KCNB2: variants seen among roughly 807,000 people sequenced by gnomAD.
KCNB2 encodes delayed rectifier potassium channel protein.
In KCNB2, 15 loss-of-function variants were observed where a neutral mutation model predicts 61.5. That is an observed-to-expected ratio of 0.24 (90% confidence interval 0.16 to 0.38). KCNB2 has a LOEUF of 0.38. KCNB2 is among the 10% of genes least tolerant of loss of function. The pLI is 1.00. For missense variants in KCNB2, 828 were observed against 1,125.2 expected, an observed-to-expected ratio of 0.74 and a Z score of 3.78; for synonymous variants, 457 against 446.0, an observed-to-expected ratio of 1.02 and a Z score of -0.31.
chr8:72,607,568 T>A (rs1377165971), intron 2 of KCNB2, among the ~76,000 whole-genome samples: 2 of 152,146 alleles, frequency 1.3e-5, no homozygotes, highest in African/African-American at 4.8e-5. Context: ...GGATAAAACA[T>A]GTAAGTGTCT....
rs549662315 is a variant in KCNB2, at chr8:72,641,805, T to A, written c.579+73492T>A. Among the ~76,000 whole-genome samples, 20 of 152,218 alleles carry A rather than the reference T, an allele frequency of 1.3e-4. No individual in the cohort carries two copies. In the Middle Eastern group the frequency reaches 0.01, roughly 78 times the overall value. ...CTACCTCATAGGCTAGTCGTGAGGA[T>A]CAATAACATACTGTATATAAAAGAA... On this transcript the variant is annotated intron_variant, in intron 2 of 2. Coordinates refer to ENST00000523207, the MANE Select transcript of KCNB2 (RefSeq NM_004770.3).
At chr8:72,626,699 T>G (rs951199869) in intron 2 of KCNB2, among the ~76,000 whole-genome samples, 6 of 152,076 alleles carry the variant, frequency 3.9e-5, no homozygotes, top group African/African-American at 1.4e-4. Context: ...AATGAGAAAA[T>G]GTTGGGGTTA....
intron 2 of KCNB2, among the ~76,000 whole-genome samples, chr8:72,812,108 A>G (rs1233936473): frequency 6.6e-6 from 1 of 152,082 alleles, no homozygotes; most frequent in African/African-American, 2.4e-5. Flanking sequence ...CTAAAAATAC[A>G]AAAATTAGCT....
chr8:72,632,357 G>A (rs1805895463), intron 2 of KCNB2, among the ~76,000 whole-genome samples: 1 of 152,102 alleles, frequency 6.6e-6, no homozygotes, highest in African/African-American at 2.4e-5. Flanking sequence ...ATTTGTATTG[G>A]CACACAGCCA....
intron 2 of KCNB2, among the ~76,000 whole-genome samples, chr8:72,789,310 C>T (rs559003456): frequency 2.5e-3 from 384 of 152,246 alleles, no homozygotes; most frequent in Non-Finnish European, 4.0e-3. Flanking sequence ...TCTTGTTCAA[C>T]GGCTCATAAT....
intron 2 of KCNB2, among the ~76,000 whole-genome samples, chr8:72,618,398 G>A (rs986822458): frequency 1.7e-4 from 26 of 152,082 alleles, no homozygotes; most frequent in African/African-American, 5.8e-4. Flanking sequence ...GTGTTGTCAT[G>A]TATCCAACTA....
chr8:72,873,538 C>T (rs1805650650), intron 2 of KCNB2, among the ~76,000 whole-genome samples: 1 of 152,238 alleles, frequency 6.6e-6, no homozygotes, highest in African/African-American at 2.4e-5. Flanking sequence ...GTGCCTGGTG[C>T]AAAGTAGCTT....
At chr8:72,918,039 T>C (rs1435603692) in intron 2 of KCNB2, among the ~76,000 whole-genome samples, 2 of 152,196 alleles carry the variant, frequency 1.3e-5, no homozygotes, top group Non-Finnish European at 2.9e-5. Flanking sequence ...GGAATGCCAA[T>C]ATGCAAACAG....
At chr8:72,606,582 AGGT>A (rs1805455737) in intron 2 of KCNB2, among the ~76,000 whole-genome samples, 2 of 152,176 alleles carry the variant, frequency 1.3e-5, no homozygotes, top group South Asian at 4.1e-4. Context: ...CATTAGAGAG[AGGT>A]CCTCAGCTCC....
intron 2 of KCNB2, 40 bp downstream of exon 2, chr8:72,568,353 A>G (rs753337716): frequency 6.6e-7 from 1 of 1,507,598 alleles, no homozygotes; most frequent in Non-Finnish European, 9.0e-7. Context: ...GTGTGGTCAG[A>G]AAAGATGCTA....
intron 2 of KCNB2, among the ~76,000 whole-genome samples, chr8:72,901,616 T>A (rs1448771366): frequency 3.3e-5 from 5 of 152,144 alleles, no homozygotes; most frequent in African/African-American, 9.7e-5. Flanking sequence ...TAGTTTATGG[T>A]CCTGAAAAAC....
chr8:72,799,527 T>G (rs957158446), intron 2 of KCNB2, among the ~76,000 whole-genome samples: 2 of 152,136 alleles, frequency 1.3e-5, no homozygotes, highest in African/African-American at 2.4e-5. Context: ...GAAACAAATT[T>G]CCTTAGCACT....
intron 2 of KCNB2, among the ~76,000 whole-genome samples, chr8:72,855,836 T>C (rs1810198119): frequency 6.6e-6 from 1 of 152,198 alleles, no homozygotes; most frequent in South Asian, 2.1e-4. Flanking sequence ...CTCCCACGGA[T>C]ACCACAATTG....
intron 2 of KCNB2, among the ~76,000 whole-genome samples, chr8:72,749,797 T>C (rs540564552): frequency 6.8e-6 from 1 of 146,748 alleles, no homozygotes; most frequent in Admixed American, 6.9e-5. Context: ...ATATAATATA[T>C]ATAATATATA....
At chr8:72,901,265 T>A (rs991680200) in intron 2 of KCNB2, among the ~76,000 whole-genome samples, 6 of 152,086 alleles carry the variant, frequency 3.9e-5, no homozygotes, top group Non-Finnish European at 8.8e-5. Context: ...GGTGGCAGAC[T>A]ATCTGAGGGC....
Position 72,591,784 on chromosome 8 carries a change from G to A in KCNB2, c.579+23471G>A, listed in dbSNP as rs141277195. Among the ~76,000 whole-genome samples the A allele has an allele frequency of 4.7e-3, 720 of 152,104 alleles. 1 individual carries two copies. Among genetic ancestry groups the A allele is most frequent in the African/African-American group, 0.016 (674 of 41,442 alleles). On this transcript the variant is annotated intron_variant, in intron 2 of 2. Transcript: ENST00000523207. The stretch of plus-strand genomic sequence containing the variant: ...TCATTCAACTTTGGATCCTGTGTAC[G>A]TAGCATGGGTCCTAGTAGACATTCA...
intron 2 of KCNB2, among the ~76,000 whole-genome samples, chr8:72,913,027 G>A (rs2129007583): frequency 6.6e-6 from 1 of 152,294 alleles, no homozygotes; most frequent in East Asian, 1.9e-4. Context: ...AAAGGTGAAA[G>A]GGGGTTTATC....
At chr8:72,584,235 A>G (rs1197525313) in intron 2 of KCNB2, among the ~76,000 whole-genome samples, 4 of 152,184 alleles carry the variant, frequency 2.6e-5, no homozygotes, top group African/African-American at 9.6e-5. Flanking sequence ...TCAATCAGAG[A>G]CAACATATAG....
chr8:72,927,091 G>A (rs932221188), intron 2 of KCNB2, among the ~76,000 whole-genome samples: 6 of 152,112 alleles, frequency 3.9e-5, no homozygotes, highest in Admixed American at 2.0e-4. Context: ...AGCCTTTCCA[G>A]CAAGTTACCA....
Sources: gnomAD v4.1 joint callset for allele counts (sites outside exome capture counted in the v4.1 genomes callset) on GRCh38, gnomAD v4.1.1 for gene constraint, MANE v1.5 for transcripts, NCBI Gene and HGNC (gene_info 2026-07-23, HGNC 2026-07-21) for gene names.